Variants in GRIN2D observed in about 807,000 individuals in gnomAD.
GRIN2D encodes glutamate ionotropic receptor NMDA type subunit 2D.
In GRIN2D, 37 loss-of-function variants were observed where a neutral mutation model predicts 103.2. The ratio of observed to expected loss-of-function variants is 0.36; its 90% confidence interval spans 0.28 to 0.47. The LOEUF is 0.47. Among genes scored for constraint, GRIN2D ranks in the 20% least tolerant of loss-of-function variants. The probability of loss-of-function intolerance (pLI) is 1.00; values close to 1 mark genes in which losing one functional copy is unlikely to be tolerated. For synonymous variants in GRIN2D, 845 were observed against 885.6 expected (o/e 0.95, Z 0.81); for missense variants, 1,557 against 1,910.6 (o/e 0.81, Z 3.45).
At chr19:48,429,229 T>C (rs1971126816) in intron 11 of GRIN2D, among the ~76,000 whole-genome samples, 1 of 152,028 alleles carries the variant, frequency 6.6e-6, no homozygotes, top group Non-Finnish European at 1.5e-5. Context: ...TTCAGTTTAG[T>C]TTAGTTTGGT....
intron 4 of GRIN2D, among the ~76,000 whole-genome samples, chr19:48,412,682 G>C (rs11083934): frequency 0.55 from 82,437 of 151,138 alleles, 22,829 homozygotes; most frequent in East Asian, 0.84. Flanking sequence ...CCAGCTACTC[G>C]GGAGGCTGAG....
intron 7 of GRIN2D, among the ~76,000 whole-genome samples, chr19:48,415,423 A>G (rs1209755405): frequency 1.3e-5 from 2 of 150,452 alleles, no homozygotes; most frequent in Non-Finnish European, 3.0e-5. Flanking sequence ...GGGCGCGGCC[A>G]AATTGAGGAA....
Position 48,443,362 on chromosome 19 carries a change from G to C in GRIN2D, c.3436G>C (p.Gly1146Arg), listed in dbSNP as rs780777484. The change falls in exon 14 of 14, where the codon GGG (glycine) becomes CGG (arginine). Residue 1146 changes from glycine (G) to arginine (R), a missense_variant. By Grantham distance (125) the Gly-to-Arg change is moderately radical (BLOSUM62 -2). Coordinates refer to ENST00000263269, the MANE Select transcript of GRIN2D (RefSeq NM_000836.4). The surrounding 1 kb of genome is among the most constrained non-coding windows in gnomAD (Gnocchi z 8.9). Reference protein sequence around the residue: ...DFPYPYAERLGPPPGRYWSVD... With the variant: ...DFPYPYAERLRPPPGRYWSVD... ...CCCTTACCCGTATGCCGAGCGCCTC[G>C]GGCCGCCGCCCGGCCGCTACTGGTC... The C allele has an allele frequency of 8.0e-6, 12 of 1,502,792 alleles. No individual in the cohort carries two copies. The Admixed American group carries it at 2.5e-4, about 32-fold the overall frequency. 93.1% of individuals were successfully genotyped at this position (1,502,792 alleles called of 1,614,324 possible).
intron 4 of GRIN2D, among the ~76,000 whole-genome samples, chr19:48,410,294 CCGAGG>C (rs1970841422): frequency 6.6e-6 from 1 of 150,424 alleles, no homozygotes; most frequent in African/African-American, 2.4e-5. Flanking sequence ...CTTTGGGAGG[CCGAGG>C]CGGGCGGATC....
At chr19:48,427,477 T>TC (rs1485369923) in intron 11 of GRIN2D, among the ~76,000 whole-genome samples, 4 of 106,948 alleles carry the variant, frequency 3.7e-5, no homozygotes, top group Non-Finnish European at 7.7e-5. Flanking sequence ...CTTTTCTTTT[T>TC]TTTTTTTTTT....
rs1015158468 is a variant in GRIN2D at position 48,398,932 on chromosome 19, A to AGCGG, written c.465+77_465+80dup. 6 of 441,032 alleles carry AGCGG rather than the reference A, an allele frequency of 1.4e-5. No homozygotes were observed. In the African/African-American group the frequency reaches 2.1e-4, roughly 15 times the overall value. The allele number at this position is 441,032 out of a possible 1,614,324, so 27.3% of individuals were successfully genotyped here. A position where few individuals can be genotyped will look rare whatever the true frequency, so the allele number is the denominator to read the frequency against. ...GCTGAGGGGCGGGACTGGGACAGCCAGCGGGGGCGGGGCCTAGAGGGGGCG... is the reference window on the plus strand; with the variant it reads ...GCTGAGGGGCGGGACTGGGACAGCCAGCGGGCGGGGGCGGGGCCTAGAGGGGGCG... On this transcript the variant is annotated intron_variant, in intron 3 of 13. Transcript: ENST00000263269.
At chr19:48,433,134 G>A (rs1273229533) in intron 11 of GRIN2D, among the ~76,000 whole-genome samples, 3 of 148,200 alleles carry the variant, frequency 2.0e-5, no homozygotes, top group Admixed American at 6.7e-5. Flanking sequence ...TTGGGAGGAC[G>A]AGAAGGGCGG....
chr19:48,443,756 C>T lies in GRIN2D; in HGVS notation c.3830C>T (p.Ser1277Leu), dbSNP rs1971342113. 9.8e-6 allele frequency: 14 copies of T among 1,427,912 alleles called. No homozygotes were observed. Among genetic ancestry groups the T allele is most frequent in the Non-Finnish European group, 1.3e-5 (14 of 1,096,998 alleles). The allele number at this position is 1,427,912 out of a possible 1,614,324, so 88.5% of individuals were successfully genotyped here. A position where few individuals can be genotyped will look rare whatever the true frequency, so the allele number is the denominator to read the frequency against. Residue 1277 changes from serine to leucine, a missense_variant, in exon 14 of 14, where the codon TCG (serine) becomes TTG (leucine). Around this residue, in one of 7 missense-constraint regions of GRIN2D, gnomAD observed 11 missense variants for 29.1 expected, o/e 0.38. Coordinates refer to ENST00000263269, the MANE Select transcript of GRIN2D (RefSeq NM_000836.4). The surrounding 1 kb of genome is among the most constrained non-coding windows in gnomAD (Gnocchi z 8.9). ...TCGCGCTCGCTCGAGGACCTCAGCT[C>T]GTGCCCTCGCGCCGCCCCTGCGCGC... ...PTSRSLEDLSSCPRAAPARRL... is the reference protein window; with the variant it reads ...PTSRSLEDLSLCPRAAPARRL...
chr19:48,438,520 G>C (rs1227365146), intron 11 of GRIN2D, among the ~76,000 whole-genome samples: 1 of 151,800 alleles, frequency 6.6e-6, no homozygotes, highest in East Asian at 1.9e-4. Context: ...GGATGGTCTC[G>C]ATCTCCTGAC....
At chr19:48,406,964 C>A (rs992020164) in intron 4 of GRIN2D, among the ~76,000 whole-genome samples, 2 of 148,188 alleles carry the variant, frequency 1.3e-5, no homozygotes, top group African/African-American at 5.2e-5. Context: ...TTTTCTTTTT[C>A]TTTCTTTCTT....
At chr19:48,437,178 T>C (rs1971242555) in intron 11 of GRIN2D, among the ~76,000 whole-genome samples, 1 of 152,158 alleles carries the variant, frequency 6.6e-6, no homozygotes, top group African/African-American at 2.4e-5. Flanking sequence ...CTGGAGTACA[T>C]GGCACAATCA....
chr19:48,438,316 T>TTTTTTTTTTTTTTTA, intron 11 of GRIN2D, among the ~76,000 whole-genome samples: 1 of 82,382 alleles, frequency 1.2e-5, no homozygotes, highest in African/African-American at 4.3e-5. Context: ...TTTTTTTTTT[T>TTTTTTTTTTTTTTTA]GAGACGGAGT....
At chr19:48,439,134 A>G (rs1282023088) in intron 11 of GRIN2D, among the ~76,000 whole-genome samples, 1 of 149,882 alleles carries the variant, frequency 6.7e-6, no homozygotes, top group Non-Finnish European at 1.5e-5. Context: ...CATGCCTGTA[A>G]TCCCAGCATT....
chr19:48,419,467 T>C (rs1365239609), intron 9 of GRIN2D, 108 bp downstream of exon 9: 2 of 1,426,278 alleles, frequency 1.4e-6, no homozygotes, highest in Non-Finnish European at 1.9e-6. Flanking sequence ...CTAGGGCCTC[T>C]CGGGAGGTGC....
chr19:48,414,811 G>A lies in GRIN2D; in HGVS notation c.1413-53G>A. On this transcript the variant is annotated intron_variant, in intron 6 of 13. Transcript: ENST00000263269. The surrounding 1 kb of genome is among the most constrained non-coding windows in gnomAD (Gnocchi z 4.6). ...CTTCCTCCATATCCTCTCTTCATGA[G>A]AGAGTCTAAGGAGGGGGTCCCCAAA... 3.2e-6 allele frequency: 5 copies of A among 1,581,716 alleles called. No homozygotes were observed. In the Admixed American group the frequency reaches 8.8e-5, roughly 28 times the overall value.
intron 11 of GRIN2D, among the ~76,000 whole-genome samples, chr19:48,435,296 G>GTTTTTTT (rs766061537): frequency 3.3e-5 from 4 of 121,624 alleles, no homozygotes; most frequent in African/African-American, 6.4e-5. Context: ...TCAGCCACTT[G>GTTTTTTT]TTTTTTTTTT....
chr19:48,422,611 A>G, intron 11 of GRIN2D, among the ~76,000 whole-genome samples: 1 of 111,972 alleles, frequency 8.9e-6, no homozygotes, highest in East Asian at 2.0e-4. Context: ...CTCCGTCTCA[A>G]AAAAAAAAAA....
chr19:48,430,220 G>A (rs1971138315), intron 11 of GRIN2D, among the ~76,000 whole-genome samples: 1 of 151,880 alleles, frequency 6.6e-6, no homozygotes, highest in Non-Finnish European at 1.5e-5. Flanking sequence ...TTTTTCTTGA[G>A]ACAGGGTCTC....
chr19:48,415,812 C>T (rs1413981427), intron 7 of GRIN2D, among the ~76,000 whole-genome samples, 190 bp from the exon 8 acceptor site: 2 of 152,118 alleles, frequency 1.3e-5, no homozygotes, highest in Non-Finnish European at 2.9e-5. Context: ...AATCTTGTTC[C>T]CCATTTCTCA....
Sources: allele counts gnomAD v4.1 joint callset (sites outside exome capture counted in the v4.1 genomes callset), GRCh38; gene constraint gnomAD v4.1.1; regional missense constraint gnomAD v4.1.1; non-coding constraint Gnocchi (gnomAD v3.1); transcripts MANE v1.5; gene names NCBI Gene and HGNC (gene_info 2026-07-23, HGNC 2026-07-21).